The following NEDD4 variants were observed in gnomAD, a reference collection of about 807,000 sequenced individuals.
The protein encoded by NEDD4 is NEDD4 E3 ubiquitin protein ligase.
NEDD4 carries 99 observed loss-of-function variants against 144.9 expected under a neutral mutation model. The observed-to-expected ratio is 0.68, with a 90% CI of 0.58 to 0.81. NEDD4 has a LOEUF of 0.81. Ranked by LOEUF, NEDD4 falls within the 30% of genes least tolerant of loss-of-function variation. NEDD4 has a pLI of 0.00. For missense variants in NEDD4, 985 were observed against 1,065.9 expected (o/e 0.92, Z 1.06); for synonymous variants, 318 against 350.6 (o/e 0.91, Z 1.04).
intron 8 of NEDD4, among the ~76,000 whole-genome samples, chr15:55,869,108 T>C (rs550360769): frequency 6.6e-6 from 1 of 152,192 alleles, no homozygotes; most frequent in East Asian, 1.9e-4. Context: ...AAATTCTACT[T>C]GCCCCACATA....
intron 1 of NEDD4, among the ~76,000 whole-genome samples, chr15:55,987,047 ACT>A (rs2037908006): frequency 7.0e-6 from 1 of 142,626 alleles, no homozygotes; most frequent in African/African-American, 2.6e-5. Flanking sequence ...GAATCGCCAC[ACT>A]GACTTCCACA....
At chr15:55,907,814 C>A (rs1365184797) in intron 5 of NEDD4, among the ~76,000 whole-genome samples, 2 of 152,068 alleles carry the variant, frequency 1.3e-5, no homozygotes, top group Non-Finnish European at 2.9e-5. Flanking sequence ...GTCTGAATAC[C>A]CTTAAAGATC....
intron 18 of NEDD4, among the ~76,000 whole-genome samples, chr15:55,844,180 G>A (rs1186772852): frequency 6.6e-6 from 1 of 152,130 alleles, no homozygotes; most frequent in African/African-American, 2.4e-5. Context: ...GGCACAGAAG[G>A]AGAAGAAGGG....
At chr15:55,911,094 C>A (rs2036258519) in intron 5 of NEDD4, among the ~76,000 whole-genome samples, 2 of 152,074 alleles carry the variant, frequency 1.3e-5, no homozygotes, top group Non-Finnish European at 2.9e-5. Context: ...GATTCTTTCA[C>A]ATTTCTAGCC....
intron 4 of NEDD4, among the ~76,000 whole-genome samples, chr15:55,938,532 T>C (rs1173374849): frequency 6.6e-6 from 1 of 152,098 alleles, no homozygotes; most frequent in Non-Finnish European, 1.5e-5. Context: ...AAGAAGCTTC[T>C]TGACTTTGGT....
chr15:55,958,228 T>C (rs1193379319), intron 2 of NEDD4, among the ~76,000 whole-genome samples: 1 of 152,246 alleles, frequency 6.6e-6, no homozygotes, highest in Non-Finnish European at 1.5e-5. Context: ...TGAGAGGTTT[T>C]ATCATGACTG....
intron 5 of NEDD4, among the ~76,000 whole-genome samples, chr15:55,886,854 T>C (rs1001710807): frequency 3.3e-5 from 5 of 151,684 alleles, no homozygotes; most frequent in Admixed American, 1.3e-4. Flanking sequence ...TTGGAAATGA[T>C]ACAAAAACAT....
intron 18 of NEDD4, among the ~76,000 whole-genome samples, chr15:55,845,723 A>G (rs889443310): frequency 2.0e-5 from 3 of 152,180 alleles, no homozygotes; most frequent in African/African-American, 7.2e-5. Context: ...TAAACATTTA[A>G]AATCCCAAAG....
At chr15:55,904,785 C>T (rs368905903) in intron 5 of NEDD4, among the ~76,000 whole-genome samples, 2 of 151,962 alleles carry the variant, frequency 1.3e-5, no homozygotes, top group Admixed American at 6.6e-5. Flanking sequence ...AGAATATACA[C>T]AAGGTATGTC....
intron 5 of NEDD4, among the ~76,000 whole-genome samples, chr15:55,898,171 A>C (rs1477876413): frequency 6.6e-6 from 1 of 152,210 alleles, no homozygotes; most frequent in East Asian, 1.9e-4. Flanking sequence ...GAAGGTTAAA[A>C]ATAATTCCTA....
chr15:55,958,150 T>C (rs1378737355), intron 2 of NEDD4, among the ~76,000 whole-genome samples: 1 of 152,200 alleles, frequency 6.6e-6, no homozygotes, highest in Admixed American at 6.5e-5. Context: ...TTTTATTCTA[T>C]TAATACAGTG....
chr15:55,926,995 G>A (rs375305648), intron 4 of NEDD4, among the ~76,000 whole-genome samples: 47 of 145,524 alleles, frequency 3.2e-4, no homozygotes, highest in African/African-American at 1.2e-3. Context: ...AGAATCGCTT[G>A]AACCTGGGGG....
At chr15:55,884,121 C>T (rs1342391863) in intron 5 of NEDD4, among the ~76,000 whole-genome samples, 3 of 152,096 alleles carry the variant, frequency 2.0e-5, no homozygotes. Context: ...CTCAAGTGAT[C>T]CACCCACCTT....
At chr15:55,906,564 T>C (rs1163311402) in intron 5 of NEDD4, among the ~76,000 whole-genome samples, 3 of 146,878 alleles carry the variant, frequency 2.0e-5, no homozygotes, top group African/African-American at 7.7e-5. Flanking sequence ...TTCTCACTCA[T>C]AGGTGGGAAC....
At chr15:55,980,064 T>G (rs2037773369) in intron 1 of NEDD4, among the ~76,000 whole-genome samples, 1 of 152,044 alleles carries the variant, frequency 6.6e-6, no homozygotes, top group Admixed American at 6.6e-5. Context: ...TACCTCAGCC[T>G]CCCAAGTAGC....
chr15:55,943,824 G>T (rs968288840), intron 4 of NEDD4, among the ~76,000 whole-genome samples: 1 of 152,160 alleles, frequency 6.6e-6, no homozygotes, highest in Non-Finnish European at 1.5e-5. Flanking sequence ...TTGACTAACC[G>T]CTTGCACTGT....
chr15:55,874,033 T>C (rs1319043616), intron 5 of NEDD4, 25 bp from the exon 6 acceptor site: 2 of 1,287,982 alleles, frequency 1.6e-6, no homozygotes, highest in African/African-American at 1.5e-5. Context: ...AGAAAAAATA[T>C]AATTAGTAAT....
chr15:55,920,205 A>G (rs1341250193), intron 5 of NEDD4, among the ~76,000 whole-genome samples: 3 of 151,074 alleles, frequency 2.0e-5, no homozygotes, highest in East Asian at 1.9e-4. Context: ...ATATTCATAT[A>G]TTATACATAA....
At chr15:55,916,187 A>T (rs751063547) in intron 5 of NEDD4, 1 of 1,613,862 alleles carries the variant, frequency 6.2e-7, no homozygotes, top group Non-Finnish European at 8.5e-7. Flanking sequence ...TGTTTGGCAC[A>T]CTTCTATTGG....
Sources: gnomAD v4.1 joint callset for allele counts (sites outside exome capture counted in the v4.1 genomes callset) on GRCh38, gnomAD v4.1.1 for gene constraint, MANE v1.5 for transcripts, NCBI Gene and HGNC (gene_info 2026-07-23, HGNC 2026-07-21) for gene names.